The following ME3 variants were observed in gnomAD, a reference collection of about 807,000 sequenced individuals.
ME3 encodes malic enzyme 3.
Under a neutral mutation model 68.9 loss-of-function variants are expected in ME3, and 48 were observed. The ratio of observed to expected loss-of-function variants is 0.70; its 90% CI spans 0.55 to 0.89. ME3 has a LOEUF of 0.89. Ranked by LOEUF, ME3 falls within the 40% of genes least tolerant of loss-of-function variation. ME3 has a pLI of 0.00. For synonymous variants in ME3, 320 were observed against 318.8 expected (o/e 1.00, Z -0.04); for missense variants, 675 against 797.4 (o/e 0.85, Z 1.85).
intron 2 of ME3, among the ~76,000 whole-genome samples, chr11:86,665,464 G>C (rs1280703239): frequency 6.6e-6 from 1 of 152,146 alleles, no homozygotes; most frequent in Non-Finnish European, 1.5e-5. Context: ...GTCTGGGTAG[G>C]AGCACAACTG....
chr11:86,566,142 C>A (rs1268748650), intron 2 of ME3, among the ~76,000 whole-genome samples: 1 of 152,158 alleles, frequency 6.6e-6, no homozygotes, highest in African/African-American at 2.4e-5. Flanking sequence ...TGAGTGGCTC[C>A]GTGGACAGCA....
chr11:86,657,677 A>G (rs1232882684), intron 2 of ME3, among the ~76,000 whole-genome samples: 4 of 152,352 alleles, frequency 2.6e-5, no homozygotes, highest in African/African-American at 9.6e-5. Flanking sequence ...TATGGTATTA[A>G]CTTGTGACCA....
intron 4 of ME3, among the ~76,000 whole-genome samples, chr11:86,516,843 A>G (rs916052521): frequency 1.3e-5 from 2 of 152,124 alleles, no homozygotes; most frequent in Non-Finnish European, 2.9e-5. Context: ...AAAAAAGACC[A>G]CAGGTTCTCT....
chr11:86,513,794 G>C (rs1375391784), intron 4 of ME3, among the ~76,000 whole-genome samples: 1 of 152,132 alleles, frequency 6.6e-6, no homozygotes, highest in Non-Finnish European at 1.5e-5. Context: ...GCTCAGAGAA[G>C]ATATAGTACC....
chr11:86,472,740 C>A (rs1950850885), intron 7 of ME3, among the ~76,000 whole-genome samples: 1 of 152,192 alleles, frequency 6.6e-6, no homozygotes, highest in South Asian at 2.1e-4. Context: ...ACATAAAAAT[C>A]CAGCACACTA....
chr11:86,562,638 A>G (rs1044670537), intron 2 of ME3, among the ~76,000 whole-genome samples: 1 of 152,160 alleles, frequency 6.6e-6, no homozygotes, highest in African/African-American at 2.4e-5. Context: ...CTCTATTGAC[A>G]TATAATGTTG....
intron 2 of ME3, among the ~76,000 whole-genome samples, chr11:86,598,012 A>T (rs905837987): frequency 2.0e-5 from 3 of 152,104 alleles, no homozygotes; most frequent in Admixed American, 1.3e-4. Flanking sequence ...AGCTCCCAGC[A>T]TGAGCCATGC....
At chr11:86,638,257 G>A (rs944924962) in intron 2 of ME3, among the ~76,000 whole-genome samples, 1 of 152,180 alleles carries the variant, frequency 6.6e-6, no homozygotes, top group Non-Finnish European at 1.5e-5. Flanking sequence ...CCTAAATGAT[G>A]TAAGTACAGG....
At chr11:86,457,520 G>C (rs765344990) in intron 8 of ME3, 28 of 1,131,216 alleles carry the variant, frequency 2.5e-5, no homozygotes, top group Non-Finnish European at 3.1e-5. Context: ...CAGAACTCAA[G>C]AGGAAAAACA....
intron 5 of ME3, among the ~76,000 whole-genome samples, chr11:86,507,357 C>T (rs1400652488): frequency 6.6e-6 from 1 of 152,184 alleles, no homozygotes; most frequent in Non-Finnish European, 1.5e-5. Flanking sequence ...TTCTCTGTAT[C>T]TGAACTTCCA....
Position 86,484,742 on chromosome 11 carries a change from C to T in ME3, c.809+2595G>A, listed in dbSNP as rs549419081. Among the ~76,000 whole-genome samples, 213 of 152,298 alleles carry T rather than the reference C, an allele frequency of 1.4e-3. 1 individual carries two copies. The highest frequency in any genetic ancestry group is 2.6e-3 in the Non-Finnish European group (174 of 68,022). Reference sequence around the variant, plus strand: ...GGGCTTTCAAAGCCAATTTCATTCCCTTCTCTTTTCATCCACAGGTGACAC... The same window carrying T: ...GGGCTTTCAAAGCCAATTTCATTCCTTTCTCTTTTCATCCACAGGTGACAC... On this transcript the variant is annotated intron_variant, in intron 7 of 14. Coordinates refer to ENST00000543262, the Ensembl canonical transcript of ME3.
intron 2 of ME3, among the ~76,000 whole-genome samples, chr11:86,604,130 A>G (rs1424478796): frequency 6.6e-6 from 1 of 151,966 alleles, no homozygotes; most frequent in Non-Finnish European, 1.5e-5. Context: ...AAAGTTGTCA[A>G]TAGATAGGAG....
At chr11:86,462,742 C>A in intron 8 of ME3, 1 of 509,510 alleles carries the variant, frequency 2.0e-6, no homozygotes, top group Middle Eastern at 4.4e-4. Context: ...TCTGGGAAGG[C>A]AGACAATGCA....
intron 2 of ME3, among the ~76,000 whole-genome samples, chr11:86,642,877 C>A (rs1944756004): frequency 6.6e-6 from 1 of 152,170 alleles, no homozygotes; most frequent in Non-Finnish European, 1.5e-5. Context: ...TTGATACTTG[C>A]GTGAGATAAC....
chr11:86,559,793 G>C lies in ME3; in HGVS notation c.214C>G (p.Gln72Glu), dbSNP rs746132526. The change falls in exon 3 of 15, where the codon CAG becomes GAG. Residue 72 changes from glutamine (Q) to glutamate (E), a missense_variant. Coordinates refer to ENST00000543262, the Ensembl canonical transcript of ME3. ...GGGATTAGGCCGTGGATTCCAAGCT[G>C]CAGCCTTTCTTCAAGGGTAAAGGCC... The C allele has an allele frequency of 2.6e-5, 42 of 1,613,940 alleles. No homozygotes were observed. The South Asian group carries it at 4.3e-4, about 16-fold the overall frequency.
intron 4 of ME3, among the ~76,000 whole-genome samples, chr11:86,543,180 G>A (rs1232764209): frequency 6.6e-6 from 1 of 152,144 alleles, no homozygotes; most frequent in African/African-American, 2.4e-5. Flanking sequence ...GGAAAAGCTG[G>A]TACCAGCCAC....
At chr11:86,631,432 G>C (rs1474742829) in intron 2 of ME3, among the ~76,000 whole-genome samples, 2 of 152,192 alleles carry the variant, frequency 1.3e-5, no homozygotes, top group East Asian at 1.9e-4. Flanking sequence ...GCAGTGACAA[G>C]AATGTGAGAG....
intron 4 of ME3, among the ~76,000 whole-genome samples, chr11:86,510,986 C>T (rs1953478613): frequency 6.6e-6 from 1 of 152,154 alleles, no homozygotes; most frequent in Non-Finnish European, 1.5e-5. Context: ...TTAACAATTC[C>T]AACCCCTTGA....
At chr11:86,464,069 A>C (rs1483676255) in intron 8 of ME3, 3 of 442,020 alleles carry the variant, frequency 6.8e-6, no homozygotes, top group Admixed American at 5.3e-5. Flanking sequence ...TTTCTTTTAG[A>C]TCTATCCCTG....
Sources: gnomAD v4.1 joint callset for allele counts (sites outside exome capture counted in the v4.1 genomes callset) on GRCh38, gnomAD v4.1.1 for gene constraint, MANE v1.5 for transcripts, NCBI Gene and HGNC (gene_info 2026-07-23, HGNC 2026-07-21) for gene names.